RGS6: variants seen among roughly 807,000 people sequenced by gnomAD.
RGS6 encodes regulator of G protein signaling 6, also known as regulator of G-protein signaling 6.
RGS6 carries 30 observed loss-of-function variants against 78.5 expected under a neutral mutation model. The ratio of observed to expected loss-of-function variants is 0.38; its 90% CI spans 0.29 to 0.52. The LOEUF (loss-of-function observed/expected upper bound fraction) is 0.52. Among genes scored for constraint, RGS6 ranks in the 20% least tolerant of loss-of-function variants. The pLI is 0.85. For synonymous variants in RGS6, 206 were observed against 206.0 expected, an observed-to-expected ratio of 1.00 and a Z score of 0.00; for missense variants, 495 against 609.7, an observed-to-expected ratio of 0.81 and a Z score of 1.98.
At chr14:72,451,429 AAGGCTGAGCAC>A (rs2095490271) in intron 3 of RGS6, among the ~76,000 whole-genome samples, 1 of 152,208 alleles carries the variant, frequency 6.6e-6, no homozygotes, top group Non-Finnish European at 1.5e-5. Flanking sequence ...AATTAGGCCA[AAGGCTGAGCAC>A]AGGAAGCCAA....
At chr14:72,151,933 A>C (rs543564084) in intron 2 of RGS6, among the ~76,000 whole-genome samples, 20 of 152,232 alleles carry the variant, frequency 1.3e-4, no homozygotes, top group Non-Finnish European at 2.4e-4. Context: ...TGGGAACTAC[A>C]GGTTTTTAAT....
the RGS6 span, among the ~76,000 whole-genome samples, chr14:72,614,907 A>C: frequency 4.0e-5 from 6 of 150,962 alleles, no homozygotes; most frequent in African/African-American, 4.9e-5. Flanking sequence ...CCCCTCCCAA[A>C]TGCCCTCCCA....
At chr14:72,583,607 G>A in the RGS6 span, among the ~76,000 whole-genome samples, 5 of 152,206 alleles carry the variant, frequency 3.3e-5, no homozygotes, top group Non-Finnish European at 5.9e-5. Context: ...AGAGAAGGGA[G>A]ACTGATTAAA....
In RGS6 at chr14:72,565,873, G is replaced by A. The variant is rs576421280; in HGVS notation, c.*3406G>A. 1 of 152,326 alleles carries A rather than the reference G, an allele frequency of 6.6e-6. No individual in the cohort carries two copies. Among genetic ancestry groups the A allele is most frequent in the African/African-American group, 2.4e-5 (1 of 41,560 alleles). 9.4% of individuals were successfully genotyped at this position (152,326 alleles called of 1,614,324 possible). ...CACCAGGAAAGCCTTCCCAGAAGAG[G>A]GAAAGGATTAAGGGCTCTCTTCCTT... On this transcript the variant is annotated 3_prime_UTR_variant, in exon 18 of 18. Transcript: ENST00000553525.
chr14:72,365,348 TC>T (rs1416425236), intron 3 of RGS6, among the ~76,000 whole-genome samples: 4 of 152,178 alleles, frequency 2.6e-5, no homozygotes, highest in Admixed American at 6.5e-5. Context: ...AAAATTGATA[TC>T]CAGTTTTCCA....
the RGS6 span, among the ~76,000 whole-genome samples, chr14:71,909,455 C>T: frequency 2.6e-5 from 4 of 151,146 alleles, no homozygotes; most frequent in African/African-American, 9.7e-5. Context: ...GAGAGACAGA[C>T]AGAGACAGAA....
At chr14:72,473,014 A>G (rs372103280) in intron 9 of RGS6, 61 bp downstream of exon 9, 11 of 1,259,140 alleles carry the variant, frequency 8.7e-6, no homozygotes, top group Admixed American at 2.4e-5. Context: ...TTTTATCTCT[A>G]TAAAGAAAAG....
chr14:72,032,848 C>A (rs1026899325), intron 2 of RGS6, among the ~76,000 whole-genome samples: 42 of 152,206 alleles, frequency 2.8e-4, no homozygotes, highest in African/African-American at 1.0e-3. Flanking sequence ...ATTTTAAAAT[C>A]TGTTAATCCG....
intron 3 of RGS6, among the ~76,000 whole-genome samples, chr14:72,421,378 T>G (rs2094171643): frequency 6.6e-6 from 1 of 152,012 alleles, no homozygotes; most frequent in African/African-American, 2.4e-5. Flanking sequence ...AATGTAATTA[T>G]TTACATTTTA....
intron 15 of RGS6, among the ~76,000 whole-genome samples, chr14:72,521,709 A>G (rs1360558893): frequency 6.6e-6 from 1 of 152,208 alleles, no homozygotes; most frequent in Non-Finnish European, 1.5e-5. Flanking sequence ...CCATAAATAT[A>G]CAAAGTGTTC....
intron 15 of RGS6, among the ~76,000 whole-genome samples, chr14:72,524,386 A>G (rs975350068): frequency 6.6e-6 from 1 of 152,226 alleles, no homozygotes; most frequent in Non-Finnish European, 1.5e-5. Context: ...CATGTCATAT[A>G]AAGCTCTGCT....
chr14:72,394,199 A>G (rs530042165), intron 3 of RGS6, among the ~76,000 whole-genome samples: 1 of 152,172 alleles, frequency 6.6e-6, no homozygotes, highest in East Asian at 1.9e-4. Context: ...AAATTTTTAA[A>G]GCTGGGTGTC....
In RGS6 at chr14:72,465,752, C is replaced by T; in HGVS notation, c.395-6C>T. On this transcript the variant is annotated splice_polypyrimidine_tract_variant and splice_region_variant and intron_variant, in intron 6 of 17. Coordinates refer to ENST00000553525, the MANE Select transcript of RGS6 (RefSeq NM_001204424.2). ...GTACATGTTGTCATTTCCTTTCTTC[C>T]CTCAGCCATCTATCTCTGTAAGAGG... is the stretch of plus-strand genomic sequence containing the variant. 2 of 1,611,162 alleles carry T rather than the reference C, an allele frequency of 1.2e-6. No homozygotes were observed. Among genetic ancestry groups the T allele is most frequent in the Non-Finnish European group, 1.7e-6 (2 of 1,177,598 alleles).
At chr14:72,131,406 G>A (rs958815905) in intron 2 of RGS6, among the ~76,000 whole-genome samples, 4 of 152,128 alleles carry the variant, frequency 2.6e-5, no homozygotes, top group African/African-American at 9.7e-5. Flanking sequence ...ATTTAAAATT[G>A]CAATGCTCCC....
intron 7 of RGS6, among the ~76,000 whole-genome samples, 187 bp downstream of exon 7, chr14:72,466,009 T>A (rs1212031737): frequency 1.3e-5 from 2 of 152,190 alleles, no homozygotes; most frequent in Non-Finnish European, 2.9e-5. Flanking sequence ...ATGGTGTTTT[T>A]ACATAAATAA....
At chr14:71,913,601 G>C in the RGS6 span, among the ~76,000 whole-genome samples, 1 of 152,224 alleles carries the variant, frequency 6.6e-6, no homozygotes, top group South Asian at 2.1e-4. Flanking sequence ...CTTGAAGAGA[G>C]GATGGACATG....
intron 12 of RGS6, among the ~76,000 whole-genome samples, chr14:72,489,502 G>A (rs2096547947): frequency 6.6e-6 from 1 of 152,196 alleles, no homozygotes; most frequent in East Asian, 1.9e-4. Flanking sequence ...AAGAGTCTTT[G>A]CAGATGTAAT....
intron 3 of RGS6, among the ~76,000 whole-genome samples, chr14:72,380,663 C>G (rs530837065): frequency 2.8e-4 from 42 of 152,032 alleles, no homozygotes; most frequent in Admixed American, 1.4e-3. Flanking sequence ...ATCATAAAGA[C>G]AAAAATAACA....
intron 2 of RGS6, among the ~76,000 whole-genome samples, chr14:72,345,145 A>G (rs538566672): frequency 6.6e-6 from 1 of 152,192 alleles, no homozygotes; most frequent in Non-Finnish European, 1.5e-5. Flanking sequence ...GAATGAGTGC[A>G]GCTGTTCCCC....
Sources: gnomAD v4.1 joint callset for allele counts (sites outside exome capture counted in the v4.1 genomes callset) on GRCh38, gnomAD v4.1.1 for gene constraint, MANE v1.5 for transcripts, NCBI Gene and HGNC (gene_info 2026-07-23, HGNC 2026-07-21) for gene names.